SPEN: variants seen among roughly 807,000 people sequenced by gnomAD.
SPEN encodes the protein msx2-interacting protein.
Under a neutral mutation model 269.9 loss-of-function variants are expected in SPEN, and 18 were observed. The ratio of observed to expected loss-of-function variants is 0.07; its 90% CI spans 0.05 to 0.10. The LOEUF (loss-of-function observed/expected upper bound fraction) is 0.10, where lower values mean the gene tolerates loss of function less well. Ranked by LOEUF, SPEN falls within the 10% of genes least tolerant of loss-of-function variation. The pLI, the probability that SPEN is intolerant of heterozygous loss-of-function variation, is 1.00. For synonymous variants in SPEN, 1,726 were observed against 1,765.7 expected, an observed-to-expected ratio of 0.98 and a Z score of 0.56; for missense variants, 3,822 against 4,631.2, an observed-to-expected ratio of 0.83 and a Z score of 5.07.
In SPEN at chr1:15,928,390, A is replaced by T; in HGVS notation, c.2150A>T (p.His717Leu). The change falls in exon 11 of 15, where the codon CAT (histidine) becomes CTT (leucine). Residue 717 changes from histidine (H) to leucine (L), a missense_variant. His to Leu is a moderately conservative substitution (Grantham distance 99). Coordinates refer to ENST00000375759, the MANE Select transcript of SPEN (RefSeq NM_015001.3). This position sits in a 1 kb window ranked among gnomAD's most constrained non-coding sequence, Gnocchi z 5.7. ...ERFESDRDRD[H>L]ERRPIERSQS... ...TTTGAGTCTGACCGGGACAGAGACCATGAGAGGAGGCCGATTGAACGAAGT... is the reference window on the plus strand; with the variant it reads ...TTTGAGTCTGACCGGGACAGAGACCTTGAGAGGAGGCCGATTGAACGAAGT... 6.2e-7 allele frequency: 1 copy of T among 1,614,168 alleles called. No individual in the cohort carries two copies. Among genetic ancestry groups the T allele is most frequent in the Middle Eastern group, 1.6e-4 (1 of 6,062 alleles).
At chr1:15,867,826 A>T (rs756700887) in intron 1 of SPEN, among the ~76,000 whole-genome samples, 3 of 148,202 alleles carry the variant, frequency 2.0e-5, no homozygotes, top group Non-Finnish European at 4.5e-5. Context: ...TCATGTGTTT[A>T]TTGGCCATTT....
chr1:15,855,796 G>GA (rs1272452489), intron 1 of SPEN, among the ~76,000 whole-genome samples: 5 of 151,512 alleles, frequency 3.3e-5, no homozygotes, highest in Admixed American at 1.3e-4. Flanking sequence ...CCAGGAGGTG[G>GA]AGGGTGCAGT....
chr1:15,897,750 C>T (rs1023805788), intron 3 of SPEN, among the ~76,000 whole-genome samples: 3 of 152,124 alleles, frequency 2.0e-5, no homozygotes, highest in African/African-American at 4.8e-5. Context: ...CCACCTGCCT[C>T]GGCCTCCCAA....
chr1:15,918,163 G>T (rs529024203), intron 6 of SPEN, among the ~76,000 whole-genome samples: 3 of 152,166 alleles, frequency 2.0e-5, no homozygotes, highest in Admixed American at 6.5e-5. Flanking sequence ...TTTATTTATT[G>T]ATCTTTTAAT....
rs764860707 is a variant in SPEN, at chr1:15,937,196, C to T, written c.10060C>T (p.Pro3354Ser). ...PPPEGEPLQP[P>S]QPVQSTQPAQ... is the part of the protein sequence containing the mutation. ...TCCTGAAGGTGAGCCCCTGCAGCCT[C>T]CTCAGCCTGTGCAGTCCACACAGCC... Residue 3354 changes from proline to serine, a missense_variant, in exon 12 of 15, where the codon CCT (proline) becomes TCT (serine). By Grantham distance (74) the Pro-to-Ser change is moderately conservative (BLOSUM62 -1). This residue lies in a region of SPEN where 359 missense variants were observed against 377.3 expected (regional missense o/e 0.95). Transcript: ENST00000375759. The surrounding 1 kb of genome is among the most constrained non-coding windows in gnomAD (Gnocchi z 5.7). 1.1e-5 allele frequency: 17 copies of T among 1,613,362 alleles called. No homozygotes were observed. In the Admixed American group the frequency reaches 1.3e-4, roughly 13 times the overall value.
intron 3 of SPEN, among the ~76,000 whole-genome samples, chr1:15,903,305 A>G (rs1212754656): frequency 6.6e-6 from 1 of 152,258 alleles, no homozygotes; most frequent in Non-Finnish European, 1.5e-5. Flanking sequence ...AATACTGGTC[A>G]GATCTGGTTC....
chr1:15,905,100 C>G (rs1414896940), intron 3 of SPEN, among the ~76,000 whole-genome samples: 1 of 151,802 alleles, frequency 6.6e-6, no homozygotes, highest in Admixed American at 6.6e-5. Context: ...GTTGGCCAGG[C>G]TGGTCTCAGA....
In SPEN at chr1:15,928,495, A is replaced by C. The variant is rs374104602; in HGVS notation, c.2255A>C (p.Glu752Ala). The change falls in exon 11 of 15, where the codon GAG becomes GCG. Residue 752 changes from glutamate (E) to alanine (A), a missense_variant. Coordinates refer to ENST00000375759, the MANE Select transcript of SPEN (RefSeq NM_015001.3). This position sits in a 1 kb window ranked among gnomAD's most constrained non-coding sequence, Gnocchi z 5.7. Reference sequence around the variant, plus strand: ...GCAGAGAGGTTGCCGAGTGATTCTGAGAGGAGGCTTTACAGCCGATCCTCA... The same window carrying C: ...GCAGAGAGGTTGCCGAGTGATTCTGCGAGGAGGCTTTACAGCCGATCCTCA... ...SQAERLPSDS[E>A]RRLYSRSSDR... is the part of the protein sequence containing the mutation. 16 of 1,614,008 alleles carry C rather than the reference A, an allele frequency of 9.9e-6. No homozygotes were observed. Among genetic ancestry groups the C allele is most frequent in the Non-Finnish European group, 1.3e-5 (15 of 1,180,044 alleles).
intron 1 of SPEN, among the ~76,000 whole-genome samples, chr1:15,860,435 C>T (rs2070434617): frequency 9.0e-6 from 1 of 111,142 alleles, no homozygotes; most frequent in African/African-American, 4.0e-5. Flanking sequence ...AGCTAAGGTC[C>T]CACTGTAGTG....
At position 15,928,456 on chromosome 1, in the gene SPEN, C is replaced by T. The variant is rs759877253; in HGVS notation, c.2216C>T (p.Ala739Val). The change falls in exon 11 of 15, where the codon GCG (alanine) becomes GTG (valine). Residue 739 changes from alanine (A) to valine (V), a missense_variant. By Grantham distance (64) the Ala-to-Val change is moderately conservative. Around this residue, in one of 16 missense-constraint regions of SPEN, gnomAD observed 572 missense variants for 582.6 expected, o/e 0.98. Coordinates refer to ENST00000375759, the MANE Select transcript of SPEN (RefSeq NM_015001.3). This position sits in a 1 kb window ranked among gnomAD's most constrained non-coding sequence, Gnocchi z 5.7. Reference protein sequence around the residue: ...VHLRRPQSPGASPSQAERLPS... With the variant: ...VHLRRPQSPGVSPSQAERLPS... ...TTGCGACGTCCACAGAGTCCTGGAG[C>T]GTCTCCCTCTCAGGCAGAGAGGTTG... 9 of 1,613,948 alleles carry T rather than the reference C, an allele frequency of 5.6e-6. No individual in the cohort carries two copies. The highest frequency in any genetic ancestry group is 4.5e-5 in the East Asian group (2 of 44,894).
At position 15,876,583 on chromosome 1, in the gene SPEN, A is replaced by G; in HGVS notation, c.786A>G (p.Ala262=). Residue 262 remains alanine (A), a synonymous_variant, in exon 3 of 15, where the codon GCA becomes GCG. Coordinates refer to ENST00000375759, the MANE Select transcript of SPEN (RefSeq NM_015001.3). ...CTCCTCAGAGACTGGCTAGCCAAGC[A>G]TCTAGACCCACAAGGTCCCCTAGCG... The part of the protein sequence containing the change: ...NQSPQRLASQ[A]SRPTRSPSGS... 6.2e-7 allele frequency: 1 copy of G among 1,614,084 alleles called. No homozygotes were observed. The highest frequency in any genetic ancestry group is 8.5e-7 in the Non-Finnish European group (1 of 1,180,038).
intron 1 of SPEN, among the ~76,000 whole-genome samples, chr1:15,855,004 G>A (rs1198838667): frequency 6.6e-6 from 1 of 152,070 alleles, no homozygotes; most frequent in Non-Finnish European, 1.5e-5. Context: ...TGAATTCTTG[G>A]ATTTAATTAC....
Position 15,928,668 on chromosome 1 carries a change from C to T in SPEN, c.2428C>T (p.Arg810Trp). 8 of 1,613,626 alleles carry T rather than the reference C, an allele frequency of 5.0e-6. No individual in the cohort carries two copies. Among genetic ancestry groups the T allele is most frequent in the Non-Finnish European group, 5.9e-6 (7 of 1,179,962 alleles). The change falls in exon 11 of 15, where the codon CGG becomes TGG. Residue 810 changes from arginine (R) to tryptophan (W), a missense_variant. Coordinates refer to ENST00000375759, the MANE Select transcript of SPEN (RefSeq NM_015001.3). This position sits in a 1 kb window ranked among gnomAD's most constrained non-coding sequence, Gnocchi z 5.7. ...ERVERERRLIRKEKVEKDKTD... is the reference protein window; with the variant it reads ...ERVERERRLIWKEKVEKDKTD... ...AGTGGAGAGAGAGAGACGCTTAATA[C>T]GGAAGGAAAAAGTGGAAAAGGACAA...
chr1:15,928,429 A>G lies in SPEN; in HGVS notation c.2189A>G (p.His730Arg). The G allele has an allele frequency of 6.2e-7, 1 of 1,614,146 alleles. No homozygotes were observed. Among genetic ancestry groups the G allele is most frequent in the Non-Finnish European group, 8.5e-7 (1 of 1,180,024 alleles). The change falls in exon 11 of 15, where the codon CAC becomes CGC. Residue 730 changes from histidine to arginine, a missense_variant. His to Arg is a conservative substitution (Grantham distance 29). This residue lies in a region of SPEN where 572 missense variants were observed against 582.6 expected (regional missense o/e 0.98). Transcript: ENST00000375759. The surrounding 1 kb of genome is among the most constrained non-coding windows in gnomAD (Gnocchi z 5.7). ...RPIERSQSPV[H>R]LRRPQSPGAS... ...ATTGAACGAAGTCAAAGTCCTGTTC[A>G]CTTGCGACGTCCACAGAGTCCTGGA...
rs565651560 is a variant in SPEN, at chr1:15,890,692, A to G, written c.881+14014A>G. Among the ~76,000 whole-genome samples the G allele has an allele frequency of 2.0e-5, 3 of 151,396 alleles. No individual in the cohort carries two copies. In the South Asian group the frequency reaches 6.2e-4, roughly 31 times the overall value. On this transcript the variant is annotated intron_variant, in intron 3 of 14. Coordinates refer to ENST00000375759, the MANE Select transcript of SPEN (RefSeq NM_015001.3). ...ACAGTTAATGCTTTTTAATACATTT[A>G]CAGCATTTTGCAACCATCACCATAA...
rs1162080089 is a variant in SPEN at position 15,940,343 on chromosome 1, G to T, written c.*916G>T. The T allele has an allele frequency of 8.6e-6, 2 of 233,040 alleles. No homozygotes were observed. The highest frequency in any genetic ancestry group is 1.2e-4 in the East Asian group (2 of 16,536). The allele number at this position is 233,040 out of a possible 1,614,324, so 14.4% of individuals were successfully genotyped here. Reference sequence around the variant, plus strand: ...GGCTAACCCCTCTTCCTATTACCTTGATCTCTTCCCCCAACTTCCTAACAC... The same window carrying T: ...GGCTAACCCCTCTTCCTATTACCTTTATCTCTTCCCCCAACTTCCTAACAC... On this transcript the variant is annotated 3_prime_UTR_variant, in exon 15 of 15. Transcript: ENST00000375759.
At position 15,934,123 on chromosome 1, in the gene SPEN, G is replaced by T; in HGVS notation, c.7883G>T (p.Ser2628Ile). ...TCTGTTATTAGCCGGATGCCTGTCA[G>T]CATTGACCTGGAAAATTCACAGAAG... is the stretch of plus-strand genomic sequence containing the variant. ...ITSVISRMPV[S>I]IDLENSQKIT... Residue 2628 changes from serine (S) to isoleucine (I), a missense_variant, in exon 11 of 15, where the codon AGC becomes ATC. This residue lies in a region of SPEN where 329 missense variants were observed against 431.2 expected (regional missense o/e 0.76). Transcript: ENST00000375759. This position sits in a 1 kb window ranked among gnomAD's most constrained non-coding sequence, Gnocchi z 9.2. The T allele has an allele frequency of 6.2e-7, 1 of 1,614,092 alleles. No homozygotes were observed.
chr1:15,904,433 TA>T (rs2070933699), intron 3 of SPEN, among the ~76,000 whole-genome samples: 1 of 68,608 alleles, frequency 1.5e-5, no homozygotes, highest in Non-Finnish European at 2.8e-5. Context: ...GCCTGGGCAA[TA>T]AGAGCGAAAC....
chr1:15,914,713 A>C (rs2071041763), intron 5 of SPEN, among the ~76,000 whole-genome samples: 1 of 152,056 alleles, frequency 6.6e-6, no homozygotes, highest in African/African-American at 2.4e-5. Flanking sequence ...AATCCCAGCC[A>C]CTTGGGAGGC....
Sources: gnomAD v4.1 joint callset for allele counts (sites outside exome capture counted in the v4.1 genomes callset) on GRCh38, gnomAD v4.1.1 for gene constraint, gnomAD v4.1.1 regional missense constraint, Gnocchi (gnomAD v3.1) non-coding constraint, MANE v1.5 for transcripts, NCBI Gene and HGNC (gene_info 2026-07-23, HGNC 2026-07-21) for gene names.